Variants in CTNNA3 observed in about 807,000 individuals in gnomAD.
The protein encoded by CTNNA3 is catenin alpha-3.
In CTNNA3, 76 loss-of-function variants were observed where a neutral mutation model predicts 95.7. The ratio of observed to expected loss-of-function variants is 0.79; its 90% CI spans 0.66 to 0.96. CTNNA3 has a LOEUF of 0.96. Ranked by LOEUF, CTNNA3 falls within the 40% of genes least tolerant of loss-of-function variation. The pLI, the probability that CTNNA3 is intolerant of heterozygous loss-of-function variation, is 0.00. For synonymous variants in CTNNA3, 431 were observed against 374.4 expected (o/e 1.15, Z -1.74); for missense variants, 1,191 against 1,089.8 (o/e 1.09, Z -1.31).
At chr10:67,386,489 C>A (rs1018504944) in intron 5 of CTNNA3, among the ~76,000 whole-genome samples, 1 of 152,130 alleles carries the variant, frequency 6.6e-6, no homozygotes, top group South Asian at 2.1e-4. Flanking sequence ...TTCTCACATT[C>A]TTTTACCTAA....
At chr10:67,266,429 G>A (rs747681158) in intron 5 of CTNNA3, among the ~76,000 whole-genome samples, 3 of 151,980 alleles carry the variant, frequency 2.0e-5, no homozygotes, top group African/African-American at 7.3e-5. Flanking sequence ...ACCTTAGAGC[G>A]AGCATGCGGT....
chr10:67,045,124 A>G, intron 7 of CTNNA3, among the ~76,000 whole-genome samples: 1 of 152,228 alleles, frequency 6.6e-6, no homozygotes, highest in East Asian at 1.9e-4. Context: ...CTACCTAGTT[A>G]ATGCTTACAT....
chr10:67,723,767 G>A (rs530511338), intron 1 of CTNNA3, among the ~76,000 whole-genome samples: 4 of 152,112 alleles, frequency 2.6e-5, no homozygotes, highest in African/African-American at 9.6e-5. Context: ...TTCCAGTCAC[G>A]ACTGTGAAGG....
chr10:65,984,987 T>C (rs2078397721), intron 16 of CTNNA3, among the ~76,000 whole-genome samples: 2 of 150,524 alleles, frequency 1.3e-5, no homozygotes, highest in African/African-American at 4.9e-5. Context: ...TACTAAATAC[T>C]AAAAAAAAGG....
intron 1 of CTNNA3, among the ~76,000 whole-genome samples, chr10:67,719,116 G>A (rs1589579989): frequency 6.6e-6 from 1 of 152,134 alleles, no homozygotes; most frequent in East Asian, 1.9e-4. Context: ...ATTCTCTGAT[G>A]GTAGTTTGTA....
intron 10 of CTNNA3, among the ~76,000 whole-genome samples, chr10:66,545,768 A>G (rs1039190007): frequency 2.7e-4 from 41 of 152,118 alleles, no homozygotes; most frequent in African/African-American, 9.1e-4. Flanking sequence ...ACCAATAACT[A>G]AAGAGATTAT....
chr10:67,132,267 A>T (rs1291796200), intron 7 of CTNNA3, among the ~76,000 whole-genome samples: 2 of 152,122 alleles, frequency 1.3e-5, no homozygotes, highest in African/African-American at 4.8e-5. Flanking sequence ...TGATGCGACA[A>T]AATGGAGATC....
intron 9 of CTNNA3, among the ~76,000 whole-genome samples, chr10:66,744,060 T>C (rs1355664763): frequency 6.8e-6 from 1 of 147,308 alleles, no homozygotes; most frequent in Non-Finnish European, 1.5e-5. Context: ...AAACTGCAGG[T>C]GGCAGGGCTT....
chr10:67,123,871 A>T (rs1373812146), intron 7 of CTNNA3, among the ~76,000 whole-genome samples: 1 of 152,164 alleles, frequency 6.6e-6, no homozygotes, highest in African/African-American at 2.4e-5. Flanking sequence ...CAATACTACA[A>T]ATATGCTATC....
intron 7 of CTNNA3, among the ~76,000 whole-genome samples, chr10:66,943,162 T>C (rs911801005): frequency 2.6e-5 from 4 of 152,208 alleles, no homozygotes; most frequent in Non-Finnish European, 4.4e-5. Flanking sequence ...ATGAAAATAA[T>C]TCGTTCTTTT....
chr10:66,256,378 T>C (rs541826321), intron 13 of CTNNA3, among the ~76,000 whole-genome samples: 4 of 152,284 alleles, frequency 2.6e-5, no homozygotes, highest in African/African-American at 9.6e-5. Context: ...TCCTACTTTA[T>C]TAAATGCAGC....
At chr10:67,271,215 C>G (rs1203527042) in intron 5 of CTNNA3, among the ~76,000 whole-genome samples, 2 of 152,090 alleles carry the variant, frequency 1.3e-5, no homozygotes, top group African/African-American at 4.8e-5. Context: ...GCGTTCCCAC[C>G]CAAATCTCAT....
chr10:67,568,554 C>T (rs1239928785), intron 3 of CTNNA3, among the ~76,000 whole-genome samples: 2 of 150,952 alleles, frequency 1.3e-5, no homozygotes, highest in African/African-American at 4.9e-5. Context: ...TGCACACAGA[C>T]ACACACACAT....
intron 15 of CTNNA3, among the ~76,000 whole-genome samples, chr10:66,048,644 C>T (rs187139109): frequency 0.017 from 2,542 of 152,116 alleles, 72 homozygotes; most frequent in African/African-American, 0.058. Context: ...GCCTGTAGTC[C>T]CAGCTACTCG....
intron 13 of CTNNA3, among the ~76,000 whole-genome samples, chr10:66,182,569 C>A (rs912569664): frequency 1.3e-5 from 2 of 152,164 alleles, no homozygotes; most frequent in Admixed American, 1.3e-4. Flanking sequence ...ACATTTATTT[C>A]TAAATAAGAA....
chr10:66,033,997 C>T (rs1425375743), intron 15 of CTNNA3, among the ~76,000 whole-genome samples: 2 of 152,050 alleles, frequency 1.3e-5, no homozygotes, highest in East Asian at 1.9e-4. Context: ...TGCCTCAATG[C>T]CTGCATCTGT....
intron 7 of CTNNA3, among the ~76,000 whole-genome samples, chr10:67,116,304 T>C (rs1201238253): frequency 6.6e-6 from 1 of 152,106 alleles, no homozygotes; most frequent in Non-Finnish European, 1.5e-5. Context: ...TGTTGACCAT[T>C]TGATTTGAGT....
intron 5 of CTNNA3, among the ~76,000 whole-genome samples, chr10:67,402,915 G>A (rs888562638): frequency 2.0e-5 from 3 of 152,202 alleles, no homozygotes; most frequent in Non-Finnish European, 2.9e-5. Flanking sequence ...GAAGGGGGCC[G>A]AATCCAGGGA....
intron 15 of CTNNA3, among the ~76,000 whole-genome samples, chr10:66,048,874 A>T (rs927161235): frequency 1.3e-5 from 2 of 152,222 alleles, no homozygotes; most frequent in Non-Finnish European, 2.9e-5. Flanking sequence ...TGGACATACA[A>T]ACAGGCAAAG....
Sources: allele counts gnomAD v4.1 joint callset (sites outside exome capture counted in the v4.1 genomes callset), GRCh38; gene constraint gnomAD v4.1.1; transcripts MANE v1.5; gene names NCBI Gene and HGNC (gene_info 2026-07-23, HGNC 2026-07-21).